The following KLHL26 variants were observed in gnomAD, a reference collection of about 807,000 sequenced individuals.
KLHL26 encodes kelch-like protein 26.
Under a neutral mutation model 7.1 loss-of-function variants are expected in KLHL26, and 4 were observed. The observed-to-expected ratio is 0.56, with a 90% CI of 0.28 to 1.28. The LOEUF (loss-of-function observed/expected upper bound fraction) is 1.28. Ranked by LOEUF, KLHL26 falls within the 50% of genes most tolerant of loss-of-function variation. The pLI is 0.11. For missense variants in KLHL26, 896 were observed against 924.6 expected, an observed-to-expected ratio of 0.97 and a Z score of 0.40; for synonymous variants, 465 against 414.1, an observed-to-expected ratio of 1.12 and a Z score of -1.49.
chr19:18,666,824 C>T (rs867772798), intron 2 of KLHL26, among the ~76,000 whole-genome samples: 4 of 152,350 alleles, frequency 2.6e-5, no homozygotes, highest in Admixed American at 1.3e-4. Context: ...CTGCTTAGGT[C>T]AGTGAACAAG....
Position 18,670,885 on chromosome 19 carries a change from G to A in KLHL26, c.*1640G>A, listed in dbSNP as rs1386748367. ...ACACCACCACACCCGGCTAATTTTTGTATTTTTAGTACAGACGGGGTTTCA... is the reference window on the plus strand; with the variant it reads ...ACACCACCACACCCGGCTAATTTTTATATTTTTAGTACAGACGGGGTTTCA... On this transcript the variant is annotated 3_prime_UTR_variant, in exon 3 of 3. Transcript: ENST00000300976. 6.6e-6 allele frequency: 1 copy of A among 152,104 alleles called. No individual in the cohort carries two copies. The highest frequency in any genetic ancestry group is 1.9e-4 in the East Asian group (1 of 5,192). 9.4% of individuals were successfully genotyped at this position (152,104 alleles called of 1,614,324 possible).
At position 18,668,136 on chromosome 19, in the gene KLHL26, G is replaced by A. The variant is rs1361674091; in HGVS notation, c.739G>A (p.Val247Met). ...GGCCCGGCGGCCGCGCGCCAGCCAC[G>A]TGCTCTGCCACATTCGCTTCCCGCT... ...DPARRPRASH[V>M]LCHIRFPLMQ... Residue 247 changes from valine to methionine, a missense_variant, in exon 3 of 3, where the codon GTG becomes ATG. Physicochemically the swap from Val to Met is conservative, Grantham distance 21. Transcript: ENST00000300976. The A allele has an allele frequency of 1.9e-6, 3 of 1,605,032 alleles. No homozygotes were observed. Among genetic ancestry groups the A allele is most frequent in the East Asian group, 2.2e-5 (1 of 44,802 alleles).
At chr19:18,639,519 C>G (rs1442769698) in intron 1 of KLHL26, among the ~76,000 whole-genome samples, 1 of 147,628 alleles carries the variant, frequency 6.8e-6, no homozygotes, top group Non-Finnish European at 1.5e-5. Context: ...AAGCAATTCT[C>G]CTGCCTCAGC....
Position 18,668,255 on chromosome 19 carries a change from C to T in KLHL26, c.858C>T (p.Asn286=). The T allele has an allele frequency of 6.2e-7, 1 of 1,612,232 alleles. No individual in the cohort carries two copies. The highest frequency in any genetic ancestry group is 8.5e-7 in the Non-Finnish European group (1 of 1,179,878). The part of the protein sequence containing the change: ...LCRQYLLEAF[N]YQVLPFRQHE... ...GCCAGTATCTGCTGGAGGCCTTCAA[C>T]TACCAGGTGCTGCCCTTCCGGCAGC... is the stretch of plus-strand genomic sequence containing the variant. Residue 286 remains asparagine (N), a synonymous_variant, in exon 3 of 3, where the codon AAC becomes AAT. Coordinates refer to ENST00000300976, the MANE Select transcript of KLHL26 (RefSeq NM_018316.3).
chr19:18,655,752 T>A (rs2052324881), intron 1 of KLHL26, among the ~76,000 whole-genome samples: 1 of 125,242 alleles, frequency 8.0e-6, no homozygotes, highest in Non-Finnish European at 1.8e-5. Flanking sequence ...CCTTGTCTTC[T>A]GGGCCTTTGT....
Position 18,649,834 on chromosome 19 carries a change from C to T in KLHL26, c.83+12697C>T, listed in dbSNP as rs568311257. ...TCACAGGACTCGTCTCCAACGGCTGCGCCAGCAATTCCCTAGCATTCCTCC... is the reference window on the plus strand; with the variant it reads ...TCACAGGACTCGTCTCCAACGGCTGTGCCAGCAATTCCCTAGCATTCCTCC... On this transcript the variant is annotated intron_variant, in intron 1 of 2. Transcript: ENST00000300976. The surrounding 1 kb of genome is among the most constrained non-coding windows in gnomAD (Gnocchi z 4.0). Among the ~76,000 whole-genome samples the T allele has an allele frequency of 3.9e-5, 6 of 152,308 alleles. No individual in the cohort carries two copies. The highest frequency in any genetic ancestry group is 1.2e-4 in the African/African-American group (5 of 41,570).
chr19:18,660,447 C>T (rs540838590), intron 1 of KLHL26, among the ~76,000 whole-genome samples: 5 of 152,194 alleles, frequency 3.3e-5, no homozygotes, highest in Non-Finnish European at 7.4e-5. Flanking sequence ...TGCGGGTGAC[C>T]GTCACTCGAG....
Position 18,664,353 on chromosome 19 carries a change from A to C in KLHL26, c.176A>C (p.Gln59Pro). The C allele has an allele frequency of 6.2e-7, 1 of 1,609,942 alleles. No individual in the cohort carries two copies. The highest frequency in any genetic ancestry group is 8.5e-7 in the Non-Finnish European group (1 of 1,179,848). ...LLQGLATLRA[Q>P]GQLLDVVLTI... The stretch of plus-strand genomic sequence containing the variant: ...CAGGGCCTGGCCACCCTCCGCGCTC[A>C]GGGCCAGCTCCTCGATGTTGTGCTG... Residue 59 changes from glutamine (Q) to proline (P), a missense_variant, in exon 2 of 3, where the codon CAG becomes CCG. Physicochemically the swap from Gln to Pro is moderately conservative, Grantham distance 76. Coordinates refer to ENST00000300976, the MANE Select transcript of KLHL26 (RefSeq NM_018316.3).
rs770671640 is a variant in KLHL26, at chr19:18,656,993, G to C, written c.84-7268G>C. On this transcript the variant is annotated intron_variant, in intron 1 of 2. Transcript: ENST00000300976. This position sits in a 1 kb window ranked among gnomAD's most constrained non-coding sequence, Gnocchi z 4.4. ...TCTGTCTCCCTGTCTCTGGGTCTCTGTCCTTCTGTCTTTGCATCTCTGTCT... is the reference window on the plus strand; with the variant it reads ...TCTGTCTCCCTGTCTCTGGGTCTCTCTCCTTCTGTCTTTGCATCTCTGTCT... 8.6e-5 allele frequency among the ~76,000 whole-genome samples: 13 copies of C among 151,906 alleles called. No homozygotes were observed. The highest frequency in any genetic ancestry group is 2.9e-5 in the Non-Finnish European group (2 of 67,898).
At chr19:18,662,439 C>T (rs1233774506) in intron 1 of KLHL26, among the ~76,000 whole-genome samples, 1 of 152,196 alleles carries the variant, frequency 6.6e-6, no homozygotes, top group Admixed American at 6.5e-5. Flanking sequence ...GCCTGGACCG[C>T]GTGCCCATGA....
intron 1 of KLHL26, among the ~76,000 whole-genome samples, chr19:18,655,134 G>A (rs1014610522): frequency 6.6e-6 from 1 of 152,208 alleles, no homozygotes; most frequent in Non-Finnish European, 1.5e-5. Context: ...CTCTCCCAGC[G>A]GGACCTGGCA....
In KLHL26 at chr19:18,669,698, CGT is replaced by C. The variant is rs562041968; in HGVS notation, c.*456_*457del. On this transcript the variant is annotated 3_prime_UTR_variant, in exon 3 of 3. Transcript: ENST00000300976. ...ACCCTCCTTCCAAGTCTCCTGCGCG[CGT>C]GTTTTTAAAATAAACTCACCCGAAA... 6.6e-4 allele frequency: 147 copies of C among 223,480 alleles called. No individual in the cohort carries two copies. Among genetic ancestry groups the C allele is most frequent in the Non-Finnish European group, 8.8e-4 (101 of 114,744 alleles). The allele number at this position is 223,480 out of a possible 1,614,324, so 13.8% of individuals were successfully genotyped here.
At position 18,668,539 on chromosome 19, in the gene KLHL26, A is replaced by G; in HGVS notation, c.1142A>G (p.Asp381Gly). Residue 381 changes from aspartate to glycine, a missense_variant, in exon 3 of 3, where the codon GAC becomes GGC. Transcript: ENST00000300976. Reference sequence around the variant, plus strand: ...TACCGCAGCGGCGAGGGCGCAGTGGACGCCTGCTACCGCTACGACCCCCAC... The same window carrying G: ...TACCGCAGCGGCGAGGGCGCAGTGGGCGCCTGCTACCGCTACGACCCCCAC... ...LQYRSGEGAV[D>G]ACYRYDPHLN... is the part of the protein sequence containing the mutation. 6.3e-7 allele frequency: 1 copy of G among 1,594,792 alleles called. No homozygotes were observed. The highest frequency in any genetic ancestry group is 8.5e-7 in the Non-Finnish European group (1 of 1,173,628).
At position 18,650,941 on chromosome 19, in the gene KLHL26, G is replaced by A. The variant is rs1482810634; in HGVS notation, c.84-13320G>A. 6.6e-6 allele frequency among the ~76,000 whole-genome samples: 1 copy of A among 152,166 alleles called. No individual in the cohort carries two copies. The highest frequency in any genetic ancestry group is 2.4e-5 in the African/African-American group (1 of 41,426). Reference sequence around the variant, plus strand: ...GTGTGCACTGCAGGGAGAGGCGGCAGCTGGAAAAGTGTTAAGGCCACAGTG... The same window carrying A: ...GTGTGCACTGCAGGGAGAGGCGGCAACTGGAAAAGTGTTAAGGCCACAGTG... On this transcript the variant is annotated intron_variant, in intron 1 of 2. Coordinates refer to ENST00000300976, the MANE Select transcript of KLHL26 (RefSeq NM_018316.3). The surrounding 1 kb of genome is among the most constrained non-coding windows in gnomAD (Gnocchi z 4.2).
At chr19:18,645,116 G>C (rs1976778962) in intron 1 of KLHL26, among the ~76,000 whole-genome samples, 1 of 152,214 alleles carries the variant, frequency 6.6e-6, no homozygotes, top group Non-Finnish European at 1.5e-5. Flanking sequence ...GAGTGGGGCT[G>C]CCCTGGCTGG....
chr19:18,662,191 G>T (rs2052398372), intron 1 of KLHL26, among the ~76,000 whole-genome samples: 1 of 152,140 alleles, frequency 6.6e-6, no homozygotes. Flanking sequence ...GCCTCCAAGG[G>T]CTTTACAGGA....
chr19:18,664,178 C>T, intron 1 of KLHL26, 83 bp from the exon 2 acceptor site: 1 of 1,307,424 alleles, frequency 7.6e-7, no homozygotes, highest in Middle Eastern at 2.3e-4. Context: ...TTGTGTCTGG[C>T]TTCTTGCACT....
In KLHL26 at chr19:18,650,738, G is replaced by A. The variant is rs1469389579; in HGVS notation, c.84-13523G>A. 1.3e-5 allele frequency among the ~76,000 whole-genome samples: 2 copies of A among 152,176 alleles called. No individual in the cohort carries two copies. Among genetic ancestry groups the A allele is most frequent in the Non-Finnish European group, 2.9e-5 (2 of 68,036 alleles). ...TAGCATTTAGAGTTGCTGAACTTTC[G>A]CATTGGTCAGGGGCGCGGGCAGCTT... is the stretch of plus-strand genomic sequence containing the variant. On this transcript the variant is annotated intron_variant, in intron 1 of 2. Transcript: ENST00000300976. The surrounding 1 kb of genome is among the most constrained non-coding windows in gnomAD (Gnocchi z 4.2).
chr19:18,665,180 C>T lies in KLHL26; in HGVS notation c.266+737C>T, dbSNP rs150145625. On this transcript the variant is annotated intron_variant, in intron 2 of 2. Coordinates refer to ENST00000300976, the MANE Select transcript of KLHL26 (RefSeq NM_018316.3). ...CAAGCGATTCTCCTGCCTCAGCCTC[C>T]CGAGTAGCTGGGACTACAGGCGCAT... Among the ~76,000 whole-genome samples the T allele has an allele frequency of 3.9e-5, 6 of 152,158 alleles. No homozygotes were observed. In the East Asian group the frequency reaches 1.2e-3, roughly 30 times the overall value.
Sources: allele counts gnomAD v4.1 joint callset (sites outside exome capture counted in the v4.1 genomes callset), GRCh38; gene constraint gnomAD v4.1.1; non-coding constraint Gnocchi (gnomAD v3.1); transcripts MANE v1.5; gene names NCBI Gene and HGNC (gene_info 2026-07-23, HGNC 2026-07-21).